BBS2: variants seen among roughly 807,000 people sequenced by gnomAD.
The protein encoded by BBS2 is BBSome complex member BBS2.
BBS2 carries 62 observed loss-of-function variants against 83.0 expected under a neutral mutation model. The observed-to-expected ratio is 0.75, with a 90% CI of 0.61 to 0.92. The LOEUF (loss-of-function observed/expected upper bound fraction) is 0.92, where lower values mean the gene tolerates loss of function less well. Ranked by LOEUF, BBS2 falls within the 40% of genes least tolerant of loss-of-function variation. The probability of loss-of-function intolerance (pLI) is 0.00; values close to 1 mark genes in which losing one functional copy is unlikely to be tolerated. For missense variants in BBS2, 784 were observed against 901.0 expected (o/e 0.87, Z 1.66); for synonymous variants, 303 against 326.1 (o/e 0.93, Z 0.76).
At chr16:56,478,804 G>A (rs530780003) in intron 17 of BBS2, 2 of 152,324 alleles carry the variant, frequency 1.3e-5, no homozygotes, top group East Asian at 1.9e-4. Flanking sequence ...GGACTCGGGT[G>A]TCTGAGGGGA....
In BBS2 at chr16:56,486,382, G is replaced by C. The variant is rs1200913881; in HGVS notation, c.1911-644C>G. Among the ~76,000 whole-genome samples the C allele has an allele frequency of 3.9e-5, 6 of 152,136 alleles. No homozygotes were observed. In the East Asian group the frequency reaches 1.2e-3, roughly 29 times the overall value. On this transcript the variant is annotated intron_variant, in intron 15 of 16. Coordinates refer to ENST00000245157, the MANE Select transcript of BBS2 (RefSeq NM_031885.5). ...TTACCCAAGAGAAATGAAAACCTAT[G>C]TCTATAAAAAACTTGTATGCAAGTA...
intron 17 of BBS2, chr16:56,477,902 G>A (rs1376553248): frequency 2.0e-5 from 3 of 152,020 alleles, no homozygotes; most frequent in African/African-American, 4.8e-5. Context: ...AATGACTTTC[G>A]CTTTGGCTTT....
chr16:56,486,748 CTTTTTTTTTT>C (rs1190474419), intron 15 of BBS2, among the ~76,000 whole-genome samples: 2 of 84,216 alleles, frequency 2.4e-5, no homozygotes, highest in Admixed American at 1.3e-4. Flanking sequence ...CAGAAATATT[CTTTTTTTTTT>C]TTTTTTTTTT....
intron 14 of BBS2, 165 bp downstream of exon 14, chr16:56,497,578 T>C (rs1964149106): frequency 2.3e-6 from 2 of 865,008 alleles, no homozygotes; most frequent in East Asian, 5.2e-5. Flanking sequence ...ATAAAATAAA[T>C]CCTTAAGTAG....
At position 56,506,152 on chromosome 16, in the gene BBS2, A is replaced by T; in HGVS notation, c.685T>A (p.Tyr229Asn). The change falls in exon 6 of 17, where the codon TAT becomes AAT. Residue 229 changes from tyrosine (Y) to asparagine (N), a missense_variant. Transcript: ENST00000245157. ...YALSNGTVGV[Y>N]DKTSRYWRIK... ...CTCCAGTATCGGGATGTTTTGTCAT[A>T]AACTCCAACTGTGCCATTGGAAAGG... 1 of 1,614,076 alleles carries T rather than the reference A, an allele frequency of 6.2e-7. No homozygotes were observed. The highest frequency in any genetic ancestry group is 8.5e-7 in the Non-Finnish European group (1 of 1,179,946).
chr16:56,514,148 G>C (rs1964661504), intron 2 of BBS2, among the ~76,000 whole-genome samples: 1 of 152,222 alleles, frequency 6.6e-6, no homozygotes, highest in South Asian at 2.1e-4. Context: ...AAGTCCACCA[G>C]GAGACCTGTC....
At position 56,470,696 on chromosome 16, in the gene BBS2, C is replaced by G. The variant is rs1051776543; in HGVS notation, c.*1-1G>C. The G allele has an allele frequency of 2.5e-6, 4 of 1,614,004 alleles. No homozygotes were observed. In the African/African-American group the frequency reaches 5.3e-5, roughly 22 times the overall value. ...GAAGAAGGGACTAGCCATAGTCCTC[C>G]TGAGCCAGAGAATAATCAGATGGCC... On this transcript the variant is annotated splice_acceptor_variant, in intron 17 of 17. Transcript: ENST00000682047. LOFTEE classifies it low-confidence loss of function (3UTR_SPLICE).
chr16:56,476,399 T>C (rs1403631083), intron 17 of BBS2: 2 of 370,218 alleles, frequency 5.4e-6, no homozygotes, highest in Non-Finnish European at 4.6e-6. Flanking sequence ...TACTTATCTC[T>C]TGATTAAAAA....
Position 56,485,618 on chromosome 16 carries a change from T to C in BBS2, c.2031A>G (p.Gln677=). The change falls in exon 16 of 17, where the codon CAA becomes CAG. Residue 677 remains glutamine (Q), a synonymous_variant. Transcript: ENST00000245157. ...ELLGNLKAVN[Q]AIQRAGRLRV... is the part of the protein sequence containing the mutation. ...GCAGACGACCTGCTCTTTGAATTGCTTGATTTACTGCTTTGAGGTTTCCCA... is the reference window on the plus strand; with the variant it reads ...GCAGACGACCTGCTCTTTGAATTGCCTGATTTACTGCTTTGAGGTTTCCCA... 6.2e-7 allele frequency: 1 copy of C among 1,614,178 alleles called. No homozygotes were observed. Among genetic ancestry groups the C allele is most frequent in the Non-Finnish European group, 8.5e-7 (1 of 1,180,004 alleles).
At chr16:56,489,010 G>A (rs1963865105) in intron 15 of BBS2, among the ~76,000 whole-genome samples, 1 of 151,872 alleles carries the variant, frequency 6.6e-6, no homozygotes, top group Admixed American at 6.6e-5. Context: ...TGAGCTCCTG[G>A]CCTCAAGCCA....
chr16:56,479,572 C>T (rs1389817283), downstream of BBS2, among the ~76,000 whole-genome samples: 1 of 152,188 alleles, frequency 6.6e-6, no homozygotes, highest in African/African-American at 2.4e-5. Context: ...CCTGAAATCC[C>T]ACCATCCTAT....
At chr16:56,482,080 G>C (rs1567562395), downstream of BBS2, among the ~76,000 whole-genome samples, 1 of 152,212 alleles carries the variant, frequency 6.6e-6, no homozygotes, top group East Asian at 1.9e-4. Context: ...TTAGGTCTAA[G>C]AAGGAAGTTT....
At chr16:56,490,485 T>A (rs1049056846) in intron 15 of BBS2, among the ~76,000 whole-genome samples, 1 of 151,650 alleles carries the variant, frequency 6.6e-6, no homozygotes, top group Admixed American at 6.6e-5. Flanking sequence ...TGGTGAAACC[T>A]CGTCTCTACT....
At position 56,519,851 on chromosome 16, in the gene BBS2, A is replaced by T; in HGVS notation, c.12T>A (p.Pro4=). 1 of 1,613,640 alleles carries T rather than the reference A, an allele frequency of 6.2e-7. No homozygotes were observed. Among genetic ancestry groups the T allele is most frequent in the Non-Finnish European group, 8.5e-7 (1 of 1,179,630 alleles). The part of the protein sequence containing the change: MLL[P]VFTLKLRHKI... ...TGTGGCGCAGTTTCAGGGTGAACACAGGCAGCAGCATGATGGCGGCGGCTT... is the reference window on the plus strand; with the variant it reads ...TGTGGCGCAGTTTCAGGGTGAACACTGGCAGCAGCATGATGGCGGCGGCTT... Residue 4 remains proline (P), a synonymous_variant, in exon 1 of 17, where the codon CCT becomes CCA. Transcript: ENST00000245157.
chr16:56,474,446 C>T (rs1002140935), intron 17 of BBS2, among the ~76,000 whole-genome samples: 3 of 151,626 alleles, frequency 2.0e-5, no homozygotes, highest in Non-Finnish European at 2.9e-5. Context: ...TTAAGCCTCC[C>T]GGGTAGCTGG....
At position 56,499,766 on chromosome 16, in the gene BBS2, C is replaced by T. The variant is rs376715521; in HGVS notation, c.1527+12G>A. 3.6e-5 allele frequency: 58 copies of T among 1,613,696 alleles called. No homozygotes were observed. The highest frequency in any genetic ancestry group is 4.4e-5 in the Non-Finnish European group (52 of 1,179,858). On this transcript the variant is annotated intron_variant, in intron 12 of 16. Transcript: ENST00000245157. Reference sequence around the variant, plus strand: ...GTGTAAAAGCATTGAAAGAGAAAAGCGAGATACTCACCCTCTGTGCCCGTT... The same window carrying T: ...GTGTAAAAGCATTGAAAGAGAAAAGTGAGATACTCACCCTCTGTGCCCGTT...
intron 7 of BBS2, among the ~76,000 whole-genome samples, chr16:56,503,872 T>C (rs1410547662): frequency 3.3e-5 from 5 of 151,554 alleles, no homozygotes; most frequent in South Asian, 4.2e-4. Context: ...TGAGCCGAGA[T>C]TGCGCCACTG....
In BBS2 at chr16:56,507,738, C is replaced by T. The variant is rs560435878; in HGVS notation, c.613-1514G>A. Among the ~76,000 whole-genome samples, 36 of 152,158 alleles carry T rather than the reference C, an allele frequency of 2.4e-4. No individual in the cohort carries two copies. In the East Asian group the frequency reaches 6.2e-3, roughly 26 times the overall value. ...ATCCCAACACTTTGGGAGGCTGAGG[C>T]GGGTGGATCACCTGAGGTCAGGAGT... is the stretch of plus-strand genomic sequence containing the variant. On this transcript the variant is annotated intron_variant, in intron 5 of 16. Transcript: ENST00000245157.
At chr16:56,491,639 C>CA (rs1443852718) in intron 15 of BBS2, among the ~76,000 whole-genome samples, 6 of 119,942 alleles carry the variant, frequency 5.0e-5, no homozygotes, top group Non-Finnish European at 1.0e-4. Flanking sequence ...ATAGTTCACA[C>CA]AAAAAAGAAA....
Sources: gnomAD v4.1 joint callset for allele counts (sites outside exome capture counted in the v4.1 genomes callset) on GRCh38, gnomAD v4.1.1 for gene constraint, MANE v1.5 for transcripts, NCBI Gene and HGNC (gene_info 2026-07-23, HGNC 2026-07-21) for gene names.